The following STPG2 variants were observed in gnomAD, a reference collection of about 807,000 sequenced individuals.
STPG2 encodes the protein sperm-tail PG-rich repeat-containing protein 2.
STPG2 carries 56 observed loss-of-function variants against 54.2 expected under a neutral mutation model. The ratio of observed to expected loss-of-function variants is 1.03; its 90% CI spans 0.83 to 1.29. The LOEUF is 1.29. STPG2 is among the 50% of genes most tolerant of loss of function. The pLI is 0.00. For synonymous variants in STPG2, 200 were observed against 181.8 expected, an observed-to-expected ratio of 1.10 and a Z score of -0.81; for missense variants, 596 against 544.9, an observed-to-expected ratio of 1.09 and a Z score of -0.93.
chr4:97,717,191 A>G (rs1305423065), intron 9 of STPG2, among the ~76,000 whole-genome samples: 2 of 152,182 alleles, frequency 1.3e-5, no homozygotes, highest in Non-Finnish European at 2.9e-5. Context: ...GAGAAAAAAG[A>G]GTCCCAATAC....
intron 10 of STPG2, among the ~76,000 whole-genome samples, chr4:97,581,164 T>C (rs558393136): frequency 6.6e-6 from 1 of 152,206 alleles, no homozygotes; most frequent in African/African-American, 2.4e-5. Flanking sequence ...TTCATTTCTT[T>C]GGTCACACTA....
At chr4:97,871,494 GA>G in intron 8 of STPG2, among the ~76,000 whole-genome samples, 1 of 150,638 alleles carries the variant, frequency 6.6e-6, no homozygotes, top group Non-Finnish European at 1.5e-5. Context: ...CAGAAGAAAT[GA>G]AAAAAGTCAT....
chr4:97,831,976 T>C (rs1171740718), intron 9 of STPG2, among the ~76,000 whole-genome samples: 1 of 152,166 alleles, frequency 6.6e-6, no homozygotes, highest in African/African-American at 2.4e-5. Flanking sequence ...TCTGAAACTA[T>C]TGCAAACAAT....
chr4:97,869,579 C>T (rs1177932005), intron 8 of STPG2, among the ~76,000 whole-genome samples: 1 of 151,526 alleles, frequency 6.6e-6, no homozygotes, highest in Non-Finnish European at 1.5e-5. Context: ...TAGCAGGGTT[C>T]AGCCTTTGTT....
At chr4:97,764,010 A>T (rs1363808769) in intron 9 of STPG2, among the ~76,000 whole-genome samples, 1 of 151,598 alleles carries the variant, frequency 6.6e-6, no homozygotes, top group Non-Finnish European at 1.5e-5. Context: ...TTTTAGCCAC[A>T]TGTGCCTTTT....
At chr4:97,862,627 A>G (rs1160461450) in intron 8 of STPG2, among the ~76,000 whole-genome samples, 1 of 152,128 alleles carries the variant, frequency 6.6e-6, no homozygotes, top group Non-Finnish European at 1.5e-5. Context: ...GTCCACCCCA[A>G]ATCAAAAGAA....
intron 10 of STPG2, among the ~76,000 whole-genome samples, chr4:97,646,382 C>T (rs1399238279): frequency 6.6e-6 from 1 of 152,008 alleles, no homozygotes; most frequent in Non-Finnish European, 1.5e-5. Context: ...TAATATTTTT[C>T]TTTTTTAGTA....
At chr4:97,481,468 G>A in intron 4 of STPG2, among the ~76,000 whole-genome samples, 1 of 151,470 alleles carries the variant, frequency 6.6e-6, no homozygotes, top group Non-Finnish European at 1.5e-5. Context: ...AATTCACATT[G>A]CATCTTCTAA....
chr4:98,009,613 TCAAATC>T (rs1184300153), intron 5 of STPG2, among the ~76,000 whole-genome samples: 4 of 151,468 alleles, frequency 2.6e-5, no homozygotes, highest in Non-Finnish European at 2.9e-5. Context: ...AAAGTACAGT[TCAAATC>T]CAATGTTTCC....
At chr4:97,966,949 A>C (rs1734122880) in intron 7 of STPG2, among the ~76,000 whole-genome samples, 1 of 152,202 alleles carries the variant, frequency 6.6e-6, no homozygotes, top group South Asian at 2.1e-4. Flanking sequence ...AAACAGCATC[A>C]ACTAATGGGC....
chr4:98,051,987 T>A (rs1365822002), intron 5 of STPG2, among the ~76,000 whole-genome samples: 1 of 151,208 alleles, frequency 6.6e-6, no homozygotes, highest in Non-Finnish European at 1.5e-5. Flanking sequence ...CTCAAGAGGC[T>A]GAGGCAGGAG....
At chr4:97,877,807 C>T (rs201541440) in intron 8 of STPG2, among the ~76,000 whole-genome samples, 6 of 152,268 alleles carry the variant, frequency 3.9e-5, no homozygotes, top group Admixed American at 6.5e-5. Context: ...GCCTTCCCAA[C>T]GGTCCCCAAA....
intron 9 of STPG2, among the ~76,000 whole-genome samples, chr4:97,713,431 G>T (rs537107350): frequency 1.3e-5 from 2 of 152,154 alleles, no homozygotes; most frequent in African/African-American, 2.4e-5. Flanking sequence ...AGTTGAAAAG[G>T]TTTGAATTAT....
At chr4:97,631,650 T>A (rs1721284303) in intron 10 of STPG2, among the ~76,000 whole-genome samples, 1 of 151,964 alleles carries the variant, frequency 6.6e-6, no homozygotes, top group African/African-American at 2.4e-5. Context: ...TAAAGCAAAA[T>A]TTTGTACAAA....
At chr4:97,851,666 C>T (rs1223290875) in intron 8 of STPG2, among the ~76,000 whole-genome samples, 1 of 152,066 alleles carries the variant, frequency 6.6e-6, no homozygotes, top group Non-Finnish European at 1.5e-5. Context: ...CCATTAAAAC[C>T]TTGATCAAGT....
intron 5 of STPG2, among the ~76,000 whole-genome samples, chr4:98,003,091 T>A (rs1472925426): frequency 6.6e-6 from 1 of 152,094 alleles, no homozygotes; most frequent in African/African-American, 2.4e-5. Flanking sequence ...TTCACAATCA[T>A]TGATCACTAC....
chr4:97,541,097 A>T (rs1043158615), intron 4 of STPG2, among the ~76,000 whole-genome samples: 2 of 152,202 alleles, frequency 1.3e-5, no homozygotes, highest in Non-Finnish European at 2.9e-5. Flanking sequence ...CCTATTCAAA[A>T]TAGTGTTGGA....
At chr4:98,102,188 C>T (rs1739058343) in intron 5 of STPG2, among the ~76,000 whole-genome samples, 1 of 152,186 alleles carries the variant, frequency 6.6e-6, no homozygotes, top group Non-Finnish European at 1.5e-5. Context: ...AAGAGGACTT[C>T]ATTGAATACA....
chr4:97,927,682 C>T (rs1732387240), intron 8 of STPG2, among the ~76,000 whole-genome samples: 1 of 151,960 alleles, frequency 6.6e-6, no homozygotes, highest in Middle Eastern at 3.2e-3. Context: ...GAGGAAAGTG[C>T]CATGAAATCA....
Sources: allele counts gnomAD v4.1 joint callset (sites outside exome capture counted in the v4.1 genomes callset), GRCh38; gene constraint gnomAD v4.1.1; transcripts MANE v1.5; gene names NCBI Gene and HGNC (gene_info 2026-07-23, HGNC 2026-07-21).